PRKG1: variants seen among roughly 807,000 people sequenced by gnomAD.
The protein encoded by PRKG1 is cGMP-dependent protein kinase 1.
A neutral mutation model predicts 88.1 loss-of-function variants in PRKG1; 35 were observed. The observed-to-expected ratio is 0.40, with a 90% CI of 0.30 to 0.53. PRKG1 has a LOEUF of 0.53. Among genes scored for constraint, PRKG1 ranks in the 20% least tolerant of loss-of-function variants. The pLI is 0.59. For missense variants in PRKG1, 540 were observed against 839.8 expected, an observed-to-expected ratio of 0.64 and a Z score of 4.41; for synonymous variants, 303 against 292.5, an observed-to-expected ratio of 1.04 and a Z score of -0.37.
chr10:51,039,841 A>C (rs1431970260), intron 1 of PRKG1, among the ~76,000 whole-genome samples: 1 of 152,110 alleles, frequency 6.6e-6, no homozygotes, highest in East Asian at 1.9e-4. Flanking sequence ...TTTATTAAAG[A>C]GATTGTTCTT....
intron 8 of PRKG1, among the ~76,000 whole-genome samples, chr10:52,159,023 T>G (rs542365137): frequency 5.9e-5 from 9 of 151,328 alleles, no homozygotes; most frequent in Admixed American, 2.6e-4. Context: ...GCGATGAAGA[T>G]TACAAGTATG....
intron 3 of PRKG1, among the ~76,000 whole-genome samples, chr10:51,703,948 C>T (rs1352481697): frequency 1.3e-5 from 2 of 152,010 alleles, no homozygotes; most frequent in South Asian, 2.1e-4. Flanking sequence ...ACCAGCCCGG[C>T]CAACATGGTG....
chr10:52,259,538 AT>A (rs1330437901), intron 10 of PRKG1, among the ~76,000 whole-genome samples: 1 of 152,066 alleles, frequency 6.6e-6, no homozygotes, highest in Non-Finnish European at 1.5e-5. Flanking sequence ...TTTATTGCTA[AT>A]TAGTACTTGG....
intron 6 of PRKG1, among the ~76,000 whole-genome samples, chr10:52,057,837 G>A (rs1846145646): frequency 6.6e-6 from 1 of 151,912 alleles, no homozygotes; most frequent in Non-Finnish European, 1.5e-5. Context: ...ATTTGCATAT[G>A]TATACATATG....
rs994728594 is a variant in PRKG1, at chr10:52,297,027, A to G, written c.*3127A>G. The G allele has an allele frequency of 1.3e-5, 2 of 152,148 alleles. No homozygotes were observed. Among genetic ancestry groups the G allele is most frequent in the Non-Finnish European group, 1.5e-5 (1 of 67,994 alleles). The allele number at this position is 152,148 out of a possible 1,614,324, so 9.4% of individuals were successfully genotyped here. On this transcript the variant is annotated 3_prime_UTR_variant, in exon 18 of 18. Transcript: ENST00000373980. ...AACAAATTTAATGAAGTCAGCTACC[A>G]TGTTGAAAATAAGGATATTAGAACT...
chr10:52,106,292 G>T (rs1306047836), intron 7 of PRKG1, among the ~76,000 whole-genome samples: 1 of 152,146 alleles, frequency 6.6e-6, no homozygotes, highest in Non-Finnish European at 1.5e-5. Flanking sequence ...CTAGACCGGG[G>T]TTGCCAAATA....
At chr10:51,910,696 T>C (rs1842196897) in intron 5 of PRKG1, 1 of 152,182 alleles carries the variant, frequency 6.6e-6, no homozygotes. Flanking sequence ...AGATATAGAA[T>C]TGGATTTAAC....
At chr10:51,863,171 T>C (rs1031992464) in intron 4 of PRKG1, among the ~76,000 whole-genome samples, 12 of 152,200 alleles carry the variant, frequency 7.9e-5, no homozygotes, top group African/African-American at 2.9e-4. Context: ...GACCCTGATA[T>C]GATATCCTGG....
intron 12 of PRKG1, among the ~76,000 whole-genome samples, chr10:52,273,495 C>A (rs1286911418): frequency 6.6e-6 from 1 of 151,968 alleles, no homozygotes; most frequent in Non-Finnish European, 1.5e-5. Flanking sequence ...TTTGCAGATA[C>A]CCCAGAATAA....
intron 1 of PRKG1, among the ~76,000 whole-genome samples, chr10:51,088,124 C>A (rs746530501): frequency 9.2e-5 from 14 of 152,140 alleles, no homozygotes; most frequent in Non-Finnish European, 1.8e-4. Context: ...CTAGCTGATT[C>A]ATACATAGAA....
intron 9 of PRKG1, among the ~76,000 whole-genome samples, chr10:52,180,171 A>T (rs1344533957): frequency 6.6e-6 from 1 of 152,090 alleles, no homozygotes; most frequent in African/African-American, 2.4e-5. Context: ...CAAGATCAGA[A>T]ATTCTTTCTT....
chr10:51,784,935 A>G (rs753637761), intron 3 of PRKG1, among the ~76,000 whole-genome samples: 8 of 152,090 alleles, frequency 5.3e-5, no homozygotes, highest in Non-Finnish European at 1.2e-4. Context: ...CAGGTGAGCA[A>G]TTAGTGTAAA....
chr10:51,512,966 T>C (rs1187875905), intron 3 of PRKG1, among the ~76,000 whole-genome samples: 7 of 142,446 alleles, frequency 4.9e-5, no homozygotes, highest in Non-Finnish European at 1.1e-4. Flanking sequence ...CATTTTTTCA[T>C]GTATTTTTTG....
chr10:52,009,731 A>G (rs1449932152), intron 5 of PRKG1, among the ~76,000 whole-genome samples: 1 of 152,232 alleles, frequency 6.6e-6, no homozygotes, highest in Non-Finnish European at 1.5e-5. Context: ...TCATAAGGAA[A>G]AAGAACAAAT....
chr10:51,259,381 T>C (rs576752972), intron 2 of PRKG1, among the ~76,000 whole-genome samples: 2 of 152,240 alleles, frequency 1.3e-5, no homozygotes, highest in Non-Finnish European at 2.9e-5. Flanking sequence ...CCTTACCATG[T>C]GCTGAGAACT....
chr10:51,619,293 A>C (rs1248510403), intron 3 of PRKG1, among the ~76,000 whole-genome samples: 2 of 152,222 alleles, frequency 1.3e-5, no homozygotes. Flanking sequence ...TAGAGAAAAG[A>C]AAGCAGGTAC....
intron 9 of PRKG1, among the ~76,000 whole-genome samples, chr10:52,241,441 C>T (rs1248210996): frequency 1.3e-5 from 2 of 152,178 alleles, no homozygotes; most frequent in South Asian, 2.1e-4. Context: ...ATATCTTGCA[C>T]AAGTTGGCCT....
chr10:51,014,350 G>A (rs1173677509), intron 1 of PRKG1, among the ~76,000 whole-genome samples: 1 of 150,068 alleles, frequency 6.7e-6, no homozygotes, highest in Admixed American at 6.7e-5. Flanking sequence ...GCTCCAAAGG[G>A]CACTATCAGT....
At chr10:51,507,043 G>C (rs564345269) in intron 3 of PRKG1, among the ~76,000 whole-genome samples, 2 of 151,574 alleles carry the variant, frequency 1.3e-5, no homozygotes, top group Admixed American at 6.6e-5. Flanking sequence ...CAGCAAACTA[G>C]TGCAAGGACA....
Sources: gnomAD v4.1 joint callset for allele counts (sites outside exome capture counted in the v4.1 genomes callset) on GRCh38, gnomAD v4.1.1 for gene constraint, MANE v1.5 for transcripts, NCBI Gene and HGNC (gene_info 2026-07-23, HGNC 2026-07-21) for gene names.